BSN: variants seen among roughly 807,000 people sequenced by gnomAD.
The protein encoded by BSN is protein bassoon.
BSN carries 57 observed loss-of-function variants against 264.8 expected under a neutral mutation model. The observed-to-expected ratio is 0.22, with a 90% CI of 0.17 to 0.27. BSN has a LOEUF of 0.27. Ranked by LOEUF, BSN falls within the 10% of genes least tolerant of loss-of-function variation. The pLI, the probability that BSN is intolerant of heterozygous loss-of-function variation, is 1.00. For synonymous variants in BSN, 2,059 were observed against 2,137.3 expected, an observed-to-expected ratio of 0.96 and a Z score of 1.01; for missense variants, 4,615 against 5,232.5, an observed-to-expected ratio of 0.88 and a Z score of 3.64.
intron 5 of BSN, among the ~76,000 whole-genome samples, chr3:49,659,670 T>C (rs1190179592): frequency 1.3e-5 from 2 of 152,072 alleles, no homozygotes; most frequent in African/African-American, 4.8e-5. Flanking sequence ...CTTCAGGCAA[T>C]GCAGAGTGTC....
Position 49,653,708 on chromosome 3 carries a change from A to C in BSN, c.4152A>C (p.Thr1384=). The change falls in exon 5 of 12, where the codon ACA becomes ACC. Residue 1384 remains threonine (T), a synonymous_variant. Coordinates refer to ENST00000296452, the MANE Select transcript of BSN (RefSeq NM_003458.4). The surrounding 1 kb of genome is among the most constrained non-coding windows in gnomAD (Gnocchi z 6.3). ...AGGGCCCTGGGACCCCAGCCACCAC[A>C]GCTGTGGCTCCTTGTCCAGCTGGGC... ...FSQGPGTPAT[T]AVAPCPAGLP... is the part of the protein sequence containing the mutation. 6.2e-7 allele frequency: 1 copy of C among 1,613,844 alleles called. No individual in the cohort carries two copies. Among genetic ancestry groups the C allele is most frequent in the Non-Finnish European group, 8.5e-7 (1 of 1,179,900 alleles).
rs561057383 is a variant in BSN, at chr3:49,599,447, A to C, written c.225-25528A>C. On this transcript the variant is annotated intron_variant, in intron 1 of 11. Transcript: ENST00000296452. ...TCTTGGGGTGAAATTGTAGTCTTAA[A>C]CTGGAAACTGGGAAGAAAGGGGACC... is the stretch of plus-strand genomic sequence containing the variant. Among the ~76,000 whole-genome samples the C allele has an allele frequency of 3.9e-5, 6 of 152,242 alleles. No homozygotes were observed. In the East Asian group the frequency reaches 1.2e-3, roughly 29 times the overall value.
At chr3:49,604,089 CT>C (rs904256487) in intron 1 of BSN, among the ~76,000 whole-genome samples, 30 of 148,776 alleles carry the variant, frequency 2.0e-4, no homozygotes, top group South Asian at 6.4e-4. Context: ...TAAAATGTAC[CT>C]TTTTTTTTTC....
Position 49,650,850 on chromosome 3 carries a change from C to T in BSN, c.1757C>T (p.Ala586Val), listed in dbSNP as rs369197829. The change falls in exon 4 of 12, where the codon GCC (alanine) becomes GTC (valine). Residue 586 changes from alanine to valine, a missense_variant. Physicochemically the swap from Ala to Val is moderately conservative, Grantham distance 64. Transcript: ENST00000296452. ...AAGGCCAGCCCTCTGCCCAGCAAGG[C>T]CAGCCCCCAGGCCAAGCCCCTCAGG... ...STKASPLPSK[A>V]SPQAKPLRAS... The T allele has an allele frequency of 5.3e-4, 863 of 1,614,190 alleles. 6 individuals are homozygous for T. In the South Asian group the frequency reaches 9.1e-3, roughly 17 times the overall value.
At chr3:49,581,899 AT>A (rs1018309454) in intron 1 of BSN, among the ~76,000 whole-genome samples, 5 of 152,198 alleles carry the variant, frequency 3.3e-5, no homozygotes, top group Admixed American at 3.3e-4. Flanking sequence ...CTTGGAACAT[AT>A]CCCCTGAGGA....
rs1042319244 is a variant in BSN at position 49,660,207 on chromosome 3, C to T, written c.8641-279C>T. On this transcript the variant is annotated intron_variant, in intron 5 of 11. Transcript: ENST00000296452. The surrounding 1 kb of genome is among the most constrained non-coding windows in gnomAD (Gnocchi z 7.1). ...CTCAAAGCCATGTGCTGGGCCAGTA[C>T]AGGACATTGGCATGAAGGGAATCTG... Among the ~76,000 whole-genome samples, 1 of 152,300 alleles carries T rather than the reference C, an allele frequency of 6.6e-6. No homozygotes were observed. The highest frequency in any genetic ancestry group is 1.9e-4 in the East Asian group (1 of 5,190).
Position 49,651,382 on chromosome 3 carries a change from A to G in BSN, c.1987-161A>G, listed in dbSNP as rs1328159004. On this transcript the variant is annotated intron_variant, in intron 4 of 11. Transcript: ENST00000296452. This position sits in a 1 kb window ranked among gnomAD's most constrained non-coding sequence, Gnocchi z 5.4. ...GGTTTGGGCTTGCCATGGAACCTTC[A>G]GGTTATTCAAGGCCAGAAGGAGATA... 3 of 789,506 alleles carry G rather than the reference A, an allele frequency of 3.8e-6. No individual in the cohort carries two copies. The highest frequency in any genetic ancestry group is 5.9e-6 in the Non-Finnish European group (3 of 512,714). The allele number at this position is 789,506 out of a possible 1,614,324, so 48.9% of individuals were successfully genotyped here. A position where few individuals can be genotyped will look rare whatever the true frequency, so the allele number is the denominator to read the frequency against.
rs752755708 is a variant in BSN at position 49,653,924 on chromosome 3, G to A, written c.4368G>A (p.Ala1456=). 72 of 1,614,128 alleles carry A rather than the reference G, an allele frequency of 4.5e-5. 1 individual carries two copies. The highest frequency in any genetic ancestry group is 2.7e-4 in the African/African-American group (20 of 75,032). The change falls in exon 5 of 12, where the codon GCG becomes GCA. Residue 1456 remains alanine, a synonymous_variant. Coordinates refer to ENST00000296452, the MANE Select transcript of BSN (RefSeq NM_003458.4). This position sits in a 1 kb window ranked among gnomAD's most constrained non-coding sequence, Gnocchi z 6.3. ...CTGCTAGAGAGAAGCCCTTGAGTGC[G>A]AGTGACGGTGAGGGTGGCACTCCTC... ...GRAAREKPLS[A]SDGEGGTPQP...
intron 6 of BSN, 44 bp from the exon 7 acceptor site, chr3:49,662,832 G>A (rs2052673021): frequency 6.6e-6 from 10 of 1,519,102 alleles, no homozygotes; most frequent in African/African-American, 1.4e-5. Context: ...CTCCCCCTGC[G>A]GCTAGCCCGG....
At chr3:49,634,161 T>C (rs2052404178) in intron 2 of BSN, among the ~76,000 whole-genome samples, 1 of 148,086 alleles carries the variant, frequency 6.8e-6, no homozygotes, top group Non-Finnish European at 1.5e-5. Context: ...TGAGCTGAGA[T>C]AGTGCCACTG....
chr3:49,616,521 G>A (rs1390167705), intron 1 of BSN, among the ~76,000 whole-genome samples: 3 of 152,338 alleles, frequency 2.0e-5, no homozygotes, highest in South Asian at 4.1e-4. Flanking sequence ...TCCCCTCCTG[G>A]TGAGCAAAGA....
rs775135268 is a variant in BSN, at chr3:49,625,346, A to G, written c.596A>G (p.Asn199Ser). 9 of 1,555,470 alleles carry G rather than the reference A, an allele frequency of 5.8e-6. No individual in the cohort carries two copies. In the Admixed American group the frequency reaches 1.8e-4, roughly 31 times the overall value. The part of the protein sequence containing the change: ...TCTQCHNKVC[N>S]QCGFNPNPHL... ...ACCCAGTGTCACAACAAGGTCTGCA[A>G]CCAGTGTGGGTTCAACCCCAACCCT... is the stretch of plus-strand genomic sequence containing the variant. The change falls in exon 2 of 12, where the codon AAC (asparagine) becomes AGC (serine). Residue 199 changes from asparagine (N) to serine (S), a missense_variant. Transcript: ENST00000296452. The surrounding 1 kb of genome is among the most constrained non-coding windows in gnomAD (Gnocchi z 4.4).
intron 1 of BSN, among the ~76,000 whole-genome samples, chr3:49,610,584 CAAAAAAAAA>C (rs60726552): frequency 7.0e-5 from 5 of 71,206 alleles, no homozygotes; most frequent in Non-Finnish European, 9.6e-5. Context: ...AATTTCATCT[CAAAAAAAAA>C]AAAAAAAAAA....
At chr3:49,633,407 G>T (rs774990716) in intron 2 of BSN, among the ~76,000 whole-genome samples, 2 of 152,072 alleles carry the variant, frequency 1.3e-5, no homozygotes, top group Admixed American at 6.5e-5. Flanking sequence ...GTTAAGGATG[G>T]CTGCTGTAAA....
chr3:49,662,578 G>A lies in BSN; in HGVS notation c.10717+16G>A. On this transcript the variant is annotated intron_variant, in intron 6 of 11. Transcript: ENST00000296452. ...GACAGCGAAGGTAATGGCAGCCAGG[G>A]GTGATTTCTGCGGATACTCAGCAGC... 2 of 1,567,802 alleles carry A rather than the reference G, an allele frequency of 1.3e-6. No individual in the cohort carries two copies. The highest frequency in any genetic ancestry group is 1.7e-6 in the Non-Finnish European group (2 of 1,155,724).
intron 1 of BSN, among the ~76,000 whole-genome samples, chr3:49,558,661 T>A (rs918779673): frequency 6.6e-6 from 1 of 152,230 alleles, no homozygotes; most frequent in Non-Finnish European, 1.5e-5. Flanking sequence ...TGCTCCTTTG[T>A]CACTTAGAGA....
At chr3:49,634,665 T>C (rs960583980) in intron 2 of BSN, among the ~76,000 whole-genome samples, 3 of 152,258 alleles carry the variant, frequency 2.0e-5, no homozygotes, top group Admixed American at 2.0e-4. Flanking sequence ...GTGCTGGGAT[T>C]ACAGGCGTGA....
chr3:49,641,298 C>G (rs1007384114), intron 2 of BSN, among the ~76,000 whole-genome samples: 1 of 152,198 alleles, frequency 6.6e-6, no homozygotes, highest in Non-Finnish European at 1.5e-5. Flanking sequence ...TAGCATCTCT[C>G]TGTATGTTGG....
intron 5 of BSN, 113 bp downstream of exon 5, chr3:49,658,309 A>T: frequency 1.6e-6 from 2 of 1,285,280 alleles, no homozygotes; most frequent in Non-Finnish European, 2.1e-6. Flanking sequence ...CTGGCCCCAG[A>T]GGCCCAGGGG....
Sources: gnomAD v4.1 joint callset for allele counts (sites outside exome capture counted in the v4.1 genomes callset) on GRCh38, gnomAD v4.1.1 for gene constraint, Gnocchi (gnomAD v3.1) non-coding constraint, MANE v1.5 for transcripts, NCBI Gene and HGNC (gene_info 2026-07-23, HGNC 2026-07-21) for gene names.